RALGPS2: variants seen among roughly 807,000 people sequenced by gnomAD.
RALGPS2 encodes the protein Ral GEF with PH domain and SH3 binding motif 2.
RALGPS2 carries 43 observed loss-of-function variants against 86.8 expected under a neutral mutation model. That is an observed-to-expected ratio of 0.50 (90% CI 0.39 to 0.64). The LOEUF is 0.64. Ranked by LOEUF, RALGPS2 falls within the 30% of genes least tolerant of loss-of-function variation. RALGPS2 has a pLI of 0.00. For missense variants in RALGPS2, 536 were observed against 694.6 expected, an observed-to-expected ratio of 0.77 and a Z score of 2.57; for synonymous variants, 243 against 231.3, an observed-to-expected ratio of 1.05 and a Z score of -0.46.
At chr1:178,779,689 C>T (rs1159797100) in intron 2 of RALGPS2, among the ~76,000 whole-genome samples, 1 of 152,212 alleles carries the variant, frequency 6.6e-6, no homozygotes, top group Non-Finnish European at 1.5e-5. Flanking sequence ...TTAATAGCAT[C>T]ACATTTCCAT....
At position 178,740,383 on chromosome 1, in the gene RALGPS2, G is replaced by A. The variant is rs144009238; in HGVS notation, c.-84+14964G>A. 4.6e-5 allele frequency among the ~76,000 whole-genome samples: 7 copies of A among 152,248 alleles called. No individual in the cohort carries two copies. In the East Asian group the frequency reaches 1.4e-3, roughly 29 times the overall value. ...ATTGCAGTGGATTGGTCCAGCAGTG[G>A]GCATTTGACCTAAGGGTTGCTAATC... On this transcript the variant is annotated intron_variant, in intron 1 of 19. Coordinates refer to ENST00000367635, the MANE Select transcript of RALGPS2 (RefSeq NM_152663.5).
At position 178,803,176 on chromosome 1, in the gene RALGPS2, G is replaced by A. The variant is rs147566952; in HGVS notation, c.214-4869G>A. Among the ~76,000 whole-genome samples, 924 of 152,264 alleles carry A rather than the reference G, an allele frequency of 6.1e-3. 9 individuals carry two copies. Among genetic ancestry groups the A allele is most frequent in the African/African-American group, 0.021 (883 of 41,572 alleles). On this transcript the variant is annotated intron_variant, in intron 4 of 19. Coordinates refer to ENST00000367635, the MANE Select transcript of RALGPS2 (RefSeq NM_152663.5). ...ATACTCTTTGACCTCGTGATTTCTT[G>A]TAGGACTATATTTTTAAGAAATAAT...
intron 10 of RALGPS2, among the ~76,000 whole-genome samples, chr1:178,880,447 T>C (rs1398862724): frequency 1.3e-5 from 2 of 152,242 alleles, no homozygotes; most frequent in Non-Finnish European, 2.9e-5. Context: ...AAAAAGTTTC[T>C]ACATGGTTAC....
chr1:178,914,354 A>G (rs978950967), intron 19 of RALGPS2, among the ~76,000 whole-genome samples: 1 of 152,066 alleles, frequency 6.6e-6, no homozygotes, highest in African/African-American at 2.4e-5. Context: ...ATCTCCTGCC[A>G]CTAGGATCCC....
chr1:178,744,631 TG>T (rs1046956800), intron 1 of RALGPS2, among the ~76,000 whole-genome samples: 11 of 151,742 alleles, frequency 7.2e-5, no homozygotes, highest in African/African-American at 2.7e-4. Context: ...CTGGCCAACA[TG>T]GTGAAACCCC....
chr1:178,864,487 G>A (rs1337705845), intron 8 of RALGPS2, among the ~76,000 whole-genome samples: 1 of 152,070 alleles, frequency 6.6e-6, no homozygotes, highest in African/African-American at 2.4e-5. Context: ...GCTGAGAGTG[G>A]AGATAATGAG....
At chr1:178,753,738 A>G (rs2102049845) in intron 1 of RALGPS2, 1 of 152,236 alleles carries the variant, frequency 6.6e-6, no homozygotes, top group Non-Finnish European at 1.5e-5. Context: ...GGAAGAAAAA[A>G]CCGTAAAACA....
intron 1 of RALGPS2, among the ~76,000 whole-genome samples, chr1:178,764,077 A>C (rs1260361030): frequency 6.6e-6 from 1 of 152,014 alleles, no homozygotes; most frequent in African/African-American, 2.4e-5. Context: ...GAAATCTCCC[A>C]CTATTATTGT....
At chr1:178,728,897 A>C (rs1650182087) in intron 1 of RALGPS2, among the ~76,000 whole-genome samples, 1 of 152,210 alleles carries the variant, frequency 6.6e-6, no homozygotes, top group African/African-American at 2.4e-5. Context: ...GAAAGAAAAA[A>C]GTTTGAATAT....
intron 1 of RALGPS2, among the ~76,000 whole-genome samples, chr1:178,733,194 A>C (rs1429224448): frequency 6.6e-6 from 1 of 152,228 alleles, no homozygotes; most frequent in Non-Finnish European, 1.5e-5. Flanking sequence ...ACCAGGATGC[A>C]AAAAGTACTA....
At chr1:178,815,454 A>G (rs2102211841) in intron 6 of RALGPS2, among the ~76,000 whole-genome samples, 1 of 152,248 alleles carries the variant, frequency 6.6e-6, no homozygotes. Context: ...CTTTGCATGT[A>G]TCTTGCTATT....
At chr1:178,812,084 G>A (rs1655012802) in intron 6 of RALGPS2, among the ~76,000 whole-genome samples, 1 of 151,976 alleles carries the variant, frequency 6.6e-6, no homozygotes, top group African/African-American at 2.4e-5. Context: ...GTTAATGAGA[G>A]AAAAGCATAG....
chr1:178,849,132 T>A (rs1222229224), intron 8 of RALGPS2, among the ~76,000 whole-genome samples: 1 of 152,224 alleles, frequency 6.6e-6, no homozygotes, highest in African/African-American at 2.4e-5. Flanking sequence ...CTAGATATTC[T>A]TATTATACCC....
intron 8 of RALGPS2, among the ~76,000 whole-genome samples, chr1:178,864,188 C>A (rs554262640): frequency 1.3e-5 from 2 of 151,880 alleles, no homozygotes; most frequent in African/African-American, 4.8e-5. Flanking sequence ...TTCTGGACAC[C>A]TAGATCAGTG....
At chr1:178,728,936 C>G (rs1009468570) in intron 1 of RALGPS2, among the ~76,000 whole-genome samples, 1 of 152,100 alleles carries the variant, frequency 6.6e-6, no homozygotes, top group East Asian at 1.9e-4. Flanking sequence ...TACTAAGTAG[C>G]TAGTTAGGGA....
At chr1:178,737,705 T>C (rs1650794452) in intron 1 of RALGPS2, among the ~76,000 whole-genome samples, 1 of 152,252 alleles carries the variant, frequency 6.6e-6, no homozygotes, top group African/African-American at 2.4e-5. Flanking sequence ...ATTCATCTTA[T>C]TTTAATGTAA....
In RALGPS2 at chr1:178,808,064, G is replaced by A; in HGVS notation, c.233G>A (p.Trp78Ter). The change falls in exon 5 of 20, where the codon TGG (tryptophan) becomes TAG (stop). Residue 78 changes from tryptophan (W) to a stop codon, truncating the protein, a stop_gained. Coordinates refer to ENST00000367635, the MANE Select transcript of RALGPS2 (RefSeq NM_152663.5). LOFTEE classifies it high-confidence loss of function. ...TTCCAGGAGCTTTCAAGTTGTGGAT[G>A]GAATAAAAAAGAAAAATATAGTTCT... is the stretch of plus-strand genomic sequence containing the variant. ...IQPDELSSCG[W>*]NKKEKYSSAP... is the part of the protein sequence containing the mutation. 7 of 1,608,706 alleles carry A rather than the reference G, an allele frequency of 4.4e-6. No individual in the cohort carries two copies. Among genetic ancestry groups the A allele is most frequent in the South Asian group, 1.1e-5 (1 of 90,610 alleles).
At chr1:178,852,934 T>C (rs141473288) in intron 8 of RALGPS2, 1 of 1,611,750 alleles carries the variant, frequency 6.2e-7, no homozygotes, top group African/African-American at 1.3e-5. Context: ...GTATTCTCCG[T>C]CAATGTTTCC....
intron 5 of RALGPS2, among the ~76,000 whole-genome samples, chr1:178,810,734 T>G (rs780031883): frequency 6.6e-6 from 1 of 152,002 alleles, no homozygotes; most frequent in East Asian, 1.9e-4. Context: ...ATCTGAAATA[T>G]TTCTCATTAA....
Sources: gnomAD v4.1 joint callset for allele counts (sites outside exome capture counted in the v4.1 genomes callset) on GRCh38, gnomAD v4.1.1 for gene constraint, MANE v1.5 for transcripts, NCBI Gene and HGNC (gene_info 2026-07-23, HGNC 2026-07-21) for gene names.